The following DGKB variants were observed in gnomAD, a reference collection of about 807,000 sequenced individuals.
The protein encoded by DGKB is 90 kDa diacylglycerol kinase.
A neutral mutation model predicts 114.3 loss-of-function variants in DGKB; 67 were observed. The ratio of observed to expected loss-of-function variants is 0.59; its 90% confidence interval spans 0.48 to 0.72. DGKB has a LOEUF of 0.72. Ranked by LOEUF, DGKB falls within the 30% of genes least tolerant of loss-of-function variation. The pLI is 0.00. For missense variants in DGKB, 907 were observed against 975.2 expected, an observed-to-expected ratio of 0.93 and a Z score of 0.93; for synonymous variants, 398 against 323.1, an observed-to-expected ratio of 1.23 and a Z score of -2.49.
At position 14,717,341 on chromosome 7, in the gene DGKB, G is replaced by C. The variant is rs1243206123; in HGVS notation, c.466+1201C>G. On this transcript the variant is annotated intron_variant, in intron 6 of 25. Transcript: ENST00000402815. ...TTATAATCATCCCAAATGTGCTCCT[G>C]ATAACACCTGAGCAAACTTTCTCTC... is the stretch of plus-strand genomic sequence containing the variant. 2.0e-5 allele frequency among the ~76,000 whole-genome samples: 3 copies of C among 152,078 alleles called. No individual in the cohort carries two copies. In the East Asian group the frequency reaches 5.8e-4, roughly 29 times the overall value.
At position 14,177,554 on chromosome 7, in the gene DGKB, CAAAAAAAA is replaced by C. The variant is rs56019837; in HGVS notation, c.2243+469_2243+476del. Among the ~76,000 whole-genome samples the C allele has an allele frequency of 9.0e-4, 62 of 69,026 alleles. 1 individual carries two copies. Among genetic ancestry groups the C allele is most frequent in the African/African-American group, 2.8e-3 (52 of 18,546 alleles). The allele number at this position is 69,026 out of a possible 152,430, so 45.3% of individuals were successfully genotyped here. A position where few individuals can be genotyped will look rare whatever the true frequency, so the allele number is the denominator to read the frequency against. On this transcript the variant is annotated intron_variant, in intron 24 of 25. Transcript: ENST00000402815. ...GGGCAACAAGAGTGAAACTCCGTCTCAAAAAAAAAAAAAAAAAAAAAAAAAATTGGGGG... is the reference window on the plus strand; with the variant it reads ...GGGCAACAAGAGTGAAACTCCGTCTCAAAAAAAAAAAAAAAAAATTGGGGG...
chr7:14,458,307 TAAATA>T (rs1333887967), intron 21 of DGKB, among the ~76,000 whole-genome samples: 13 of 152,280 alleles, frequency 8.5e-5, no homozygotes, highest in African/African-American at 3.1e-4. Flanking sequence ...AGTGTAACAA[TAAATA>T]AAATAAGTTA....
chr7:14,206,271 G>A (rs1289882331), intron 23 of DGKB, among the ~76,000 whole-genome samples: 1 of 151,950 alleles, frequency 6.6e-6, no homozygotes, highest in Non-Finnish European at 1.5e-5. Context: ...ATAGTTTGTA[G>A]GAAGAAAAAT....
chr7:14,506,829 G>A (rs535670181), intron 20 of DGKB, among the ~76,000 whole-genome samples: 26 of 152,316 alleles, frequency 1.7e-4, no homozygotes, highest in African/African-American at 5.8e-4. Flanking sequence ...GTAATTTGCT[G>A]TCTTTTCCAG....
At chr7:14,328,584 C>A (rs760851483) in intron 23 of DGKB, among the ~76,000 whole-genome samples, 4 of 151,890 alleles carry the variant, frequency 2.6e-5, no homozygotes, top group African/African-American at 9.7e-5. Context: ...AATCTCTCAA[C>A]GAGGAGCAAT....
intron 21 of DGKB, among the ~76,000 whole-genome samples, chr7:14,430,325 G>T (rs996173509): frequency 6.6e-6 from 1 of 152,046 alleles, no homozygotes; most frequent in African/African-American, 2.4e-5. Context: ...TAATTTTTGA[G>T]ATCCATGTGA....
At chr7:14,348,505 A>T (rs757299909) in intron 21 of DGKB, among the ~76,000 whole-genome samples, 7 of 152,064 alleles carry the variant, frequency 4.6e-5, no homozygotes, top group Non-Finnish European at 1.0e-4. Flanking sequence ...GGAAAAAAAA[A>T]TGTAAAGATG....
intron 21 of DGKB, among the ~76,000 whole-genome samples, chr7:14,401,183 T>A (rs1256659658): frequency 6.6e-6 from 1 of 151,908 alleles, no homozygotes; most frequent in African/African-American, 2.4e-5. Context: ...TCAATCATAA[T>A]CCAAAATGTC....
At chr7:14,195,564 TTACAC>T (rs1784900487) in intron 23 of DGKB, among the ~76,000 whole-genome samples, 1 of 152,180 alleles carries the variant, frequency 6.6e-6, no homozygotes, top group South Asian at 2.1e-4. Context: ...TACACGGTCT[TTACAC>T]TAAATATCCA....
At chr7:14,175,730 C>G (rs1781626680) in intron 25 of DGKB, among the ~76,000 whole-genome samples, 1 of 152,066 alleles carries the variant, frequency 6.6e-6, no homozygotes, top group Non-Finnish European at 1.5e-5. Context: ...ATGATTTGTT[C>G]TCTGTCTACC....
At chr7:14,314,332 C>A (rs533992506) in intron 23 of DGKB, among the ~76,000 whole-genome samples, 1,861 of 152,038 alleles carry the variant, frequency 0.012, 21 homozygotes, top group African/African-American at 0.034. Flanking sequence ...TCAAATTACT[C>A]TGAGCTACGG....
intron 23 of DGKB, among the ~76,000 whole-genome samples, chr7:14,327,797 G>A (rs1172123688): frequency 2.0e-5 from 3 of 152,014 alleles, no homozygotes; most frequent in Admixed American, 1.3e-4. Context: ...GGGCAAAAAA[G>A]TATTTATCAC....
intron 23 of DGKB, among the ~76,000 whole-genome samples, chr7:14,249,056 A>G (rs1003750627): frequency 6.6e-6 from 1 of 152,116 alleles, no homozygotes; most frequent in East Asian, 1.9e-4. Flanking sequence ...TTACAAAAAT[A>G]TGTTAATTCT....
chr7:14,656,283 T>C (rs1402127021), intron 13 of DGKB, among the ~76,000 whole-genome samples: 1 of 151,684 alleles, frequency 6.6e-6, no homozygotes, highest in African/African-American at 2.4e-5. Context: ...GGACTATATA[T>C]TTCACAGCAA....
intron 23 of DGKB, among the ~76,000 whole-genome samples, chr7:14,247,981 G>C (rs1253951327): frequency 6.6e-6 from 1 of 151,900 alleles, no homozygotes; most frequent in East Asian, 1.9e-4. Flanking sequence ...TCTAGTTAAA[G>C]GTTTTATGTT....
chr7:14,565,244 A>C (rs140290659), intron 20 of DGKB, among the ~76,000 whole-genome samples: 12 of 152,238 alleles, frequency 7.9e-5, no homozygotes, highest in African/African-American at 2.6e-4. Flanking sequence ...GCTGGGAGTC[A>C]TATGGCCCAT....
At chr7:14,859,285 T>C (rs1240683233) in intron 1 of DGKB, among the ~76,000 whole-genome samples, 1 of 152,050 alleles carries the variant, frequency 6.6e-6, no homozygotes, top group Non-Finnish European at 1.5e-5. Context: ...AAGAGGAAGG[T>C]AAAAAGGGAG....
intron 23 of DGKB, among the ~76,000 whole-genome samples, chr7:14,195,976 C>T (rs971681585): frequency 2.6e-5 from 4 of 152,046 alleles, no homozygotes; most frequent in East Asian, 1.9e-4. Context: ...AGAGAATAGG[C>T]GACATGTCTA....
At chr7:14,972,686 G>T (rs1170425126) in intron 1 of DGKB, among the ~76,000 whole-genome samples, 2 of 138,036 alleles carry the variant, frequency 1.4e-5, no homozygotes, top group Non-Finnish European at 1.6e-5. Flanking sequence ...AAAAAAAAAA[G>T]ACAAAATCTG....
Sources: allele counts gnomAD v4.1 joint callset (sites outside exome capture counted in the v4.1 genomes callset), GRCh38; gene constraint gnomAD v4.1.1; transcripts MANE v1.5; gene names NCBI Gene and HGNC (gene_info 2026-07-23, HGNC 2026-07-21).